Variants in SCAMP1 observed in about 807,000 individuals in gnomAD.
The protein encoded by SCAMP1 is secretory carrier-associated membrane protein 1.
A neutral mutation model predicts 41.8 loss-of-function variants in SCAMP1; 15 were observed. That is an observed-to-expected ratio of 0.36 (90% confidence interval 0.24 to 0.55). SCAMP1 has a LOEUF of 0.55. Among genes scored for constraint, SCAMP1 ranks in the 20% least tolerant of loss-of-function variants. The probability of loss-of-function intolerance (pLI) is 0.86; values close to 1 mark genes in which losing one functional copy is unlikely to be tolerated. For synonymous variants in SCAMP1, 135 were observed against 136.8 expected, an observed-to-expected ratio of 0.99 and a Z score of 0.09; for missense variants, 341 against 412.6, an observed-to-expected ratio of 0.83 and a Z score of 1.50.
chr5:78,405,622 G>A (rs1751916229), intron 2 of SCAMP1, among the ~76,000 whole-genome samples: 1 of 152,150 alleles, frequency 6.6e-6, no homozygotes, highest in Non-Finnish European at 1.5e-5. Flanking sequence ...TTCAATATGT[G>A]TATTGTTTAT....
chr5:78,412,560 A>G (rs1354964325), intron 2 of SCAMP1, among the ~76,000 whole-genome samples: 3 of 151,924 alleles, frequency 2.0e-5, no homozygotes, highest in Admixed American at 2.0e-4. Context: ...ATGCACCACC[A>G]TTGTGTATAT....
At position 78,480,014 on chromosome 5, in the gene SCAMP1, C is replaced by G. The variant is rs560142158; in HGVS notation, c.*4346C>G. Among the ~76,000 whole-genome samples, 1 of 151,822 alleles carries G rather than the reference C, an allele frequency of 6.6e-6. No homozygotes were observed. Among genetic ancestry groups the G allele is most frequent in the Admixed American group, 6.6e-5 (1 of 15,248 alleles). ...TGAGCCGAGATCTCTCCACTGCACT[C>G]CAGCCTGGGCGACAGAGCGAGACTC... On this transcript the variant is annotated 3_prime_UTR_variant, in exon 9 of 9. Coordinates refer to ENST00000621999, the MANE Select transcript of SCAMP1 (RefSeq NM_004866.6).
chr5:78,396,717 G>C (rs1238691941), intron 2 of SCAMP1, among the ~76,000 whole-genome samples: 1 of 152,086 alleles, frequency 6.6e-6, no homozygotes, highest in Non-Finnish European at 1.5e-5. Context: ...GAGGTGGAAG[G>C]GCAGGAGGAG....
intron 8 of SCAMP1, among the ~76,000 whole-genome samples, chr5:78,470,666 A>G (rs780506109): frequency 4.6e-5 from 7 of 152,092 alleles, no homozygotes; most frequent in Non-Finnish European, 7.4e-5. Context: ...TCTCTTGTGT[A>G]CATATATACC....
chr5:78,383,847 G>T (rs1204796681), intron 1 of SCAMP1, among the ~76,000 whole-genome samples: 1 of 152,130 alleles, frequency 6.6e-6, no homozygotes, highest in African/African-American at 2.4e-5. Flanking sequence ...TTATGGTATA[G>T]TTTGAAGTCT....
chr5:78,470,960 G>A (rs1402325904), intron 8 of SCAMP1, among the ~76,000 whole-genome samples: 1 of 152,000 alleles, frequency 6.6e-6, no homozygotes, highest in African/African-American at 2.4e-5. Flanking sequence ...CACTTATTTG[G>A]TACCTTCTAA....
At chr5:78,397,964 A>T (rs528647711) in intron 2 of SCAMP1, among the ~76,000 whole-genome samples, 113 of 152,344 alleles carry the variant, frequency 7.4e-4, no homozygotes, top group Non-Finnish European at 1.4e-3. Context: ...ATTGGCAAGG[A>T]TGTGGAGAAT....
chr5:78,459,424 A>G (rs75686023), intron 8 of SCAMP1, 62 bp downstream of exon 8: 18,129 of 836,574 alleles, frequency 0.022, 245 homozygotes, highest in Middle Eastern at 0.04. Flanking sequence ...TCATTTTCCT[A>G]TTTTGCTATA....
At chr5:78,417,662 A>T (rs1160602512) in intron 4 of SCAMP1, among the ~76,000 whole-genome samples, 1 of 152,208 alleles carries the variant, frequency 6.6e-6, no homozygotes, top group Non-Finnish European at 1.5e-5. Flanking sequence ...CATTTTACAG[A>T]TATGGAAACT....
chr5:78,442,835 A>G (rs376186271), intron 6 of SCAMP1, among the ~76,000 whole-genome samples: 2 of 152,192 alleles, frequency 1.3e-5, no homozygotes, highest in Non-Finnish European at 2.9e-5. Flanking sequence ...GTGGTGTTCT[A>G]TTCCTTGATA....
intron 7 of SCAMP1, among the ~76,000 whole-genome samples, chr5:78,453,078 G>T (rs1753283151): frequency 1.3e-5 from 2 of 149,326 alleles, no homozygotes; most frequent in African/African-American, 5.1e-5. Flanking sequence ...GTAGATTCTG[G>T]ATATTAGCCC....
At chr5:78,449,896 AC>A (rs753189536) in intron 6 of SCAMP1, 36 bp from the exon 7 acceptor site, 1 of 1,153,386 alleles carries the variant, frequency 8.7e-7, no homozygotes, top group Non-Finnish European at 1.2e-6. Flanking sequence ...TCTCCCCCTA[AC>A]CCCCTTTTTT....
intron 2 of SCAMP1, among the ~76,000 whole-genome samples, chr5:78,412,526 C>G (rs1752105511): frequency 6.6e-6 from 1 of 152,044 alleles, no homozygotes. Flanking sequence ...GAAATGCTAT[C>G]TTGATCAGTG....
At position 78,385,357 on chromosome 5, in the gene SCAMP1, G is replaced by T. The variant is rs1399316552; in HGVS notation, c.58-3480G>T. ...TTCTCTTTTTTTCTTGGTTAATATT[G>T]CTAATGGTCTATCAGTTTTATTTCT... On this transcript the variant is annotated intron_variant, in intron 1 of 8. Coordinates refer to ENST00000621999, the MANE Select transcript of SCAMP1 (RefSeq NM_004866.6). Among the ~76,000 whole-genome samples the T allele has an allele frequency of 2.0e-5, 3 of 151,732 alleles. No individual in the cohort carries two copies. The East Asian group carries it at 5.8e-4, about 29-fold the overall frequency.
intron 8 of SCAMP1, among the ~76,000 whole-genome samples, chr5:78,464,939 G>A (rs754072130): frequency 8.6e-5 from 13 of 151,998 alleles, no homozygotes; most frequent in Non-Finnish European, 1.5e-4. Flanking sequence ...TGTACTGCTC[G>A]GTTTCTTCAA....
intron 2 of SCAMP1, among the ~76,000 whole-genome samples, chr5:78,403,756 A>C (rs981301188): frequency 1.2e-4 from 19 of 152,046 alleles, no homozygotes; most frequent in Non-Finnish European, 5.9e-5. Flanking sequence ...ACTTGAGGTC[A>C]GGAGTTTGAT....
intron 5 of SCAMP1, 26 bp downstream of exon 5, chr5:78,418,929 T>C (rs1179098969): frequency 3.8e-5 from 58 of 1,532,868 alleles, no homozygotes; most frequent in Non-Finnish European, 5.0e-5. Context: ...TTTACATCTT[T>C]GCTTAGAATT....
intron 1 of SCAMP1, among the ~76,000 whole-genome samples, chr5:78,364,007 G>A (rs1259018893): frequency 6.6e-6 from 1 of 152,150 alleles, no homozygotes; most frequent in African/African-American, 2.4e-5. Flanking sequence ...GTTAAAATGG[G>A]GTTTTAAAGC....
At chr5:78,470,457 TG>T (rs1753859476) in intron 8 of SCAMP1, among the ~76,000 whole-genome samples, 1 of 152,226 alleles carries the variant, frequency 6.6e-6, no homozygotes, top group African/African-American at 2.4e-5. Flanking sequence ...ATTACCATAA[TG>T]TTTTCAAGGT....
Sources: gnomAD v4.1 joint callset for allele counts (sites outside exome capture counted in the v4.1 genomes callset) on GRCh38, gnomAD v4.1.1 for gene constraint, MANE v1.5 for transcripts, NCBI Gene and HGNC (gene_info 2026-07-23, HGNC 2026-07-21) for gene names.